The following MAMLD1 variants were observed in gnomAD, a reference collection of about 807,000 sequenced individuals.
The protein encoded by MAMLD1 is mastermind like domain containing 1, also known as mastermind-like domain-containing protein 1.
In MAMLD1, 14 loss-of-function variants were observed where a neutral mutation model predicts 45.0. The ratio of observed to expected loss-of-function variants is 0.31; its 90% CI spans 0.21 to 0.49. The LOEUF is 0.49. Ranked by LOEUF, MAMLD1 falls within the 20% of genes least tolerant of loss-of-function variation. The pLI, the probability that MAMLD1 is intolerant of heterozygous loss-of-function variation, is 0.99. For synonymous variants in MAMLD1, 254 were observed against 247.8 expected (o/e 1.02, Z -0.24); for missense variants, 543 against 603.6 (o/e 0.90, Z 1.05).
At chrX:150,479,865 C>T (rs782535364) in intron 5 of MAMLD1, among the ~76,000 whole-genome samples, 6 of 112,072 alleles carry the variant, frequency 5.4e-5, no homozygotes, top group African/African-American at 1.9e-4. Context: ...ATGAAACTCA[C>T]GGTAGACTTG....
intron 5 of MAMLD1, among the ~76,000 whole-genome samples, chrX:150,494,071 G>T (rs959522108): frequency 1.4e-4 from 16 of 111,625 alleles, no homozygotes; most frequent in Non-Finnish European, 2.4e-4. Context: ...GCAGAAAAGT[G>T]TGCAAGGCCT....
At position 150,494,221 on chromosome X, in the gene MAMLD1, CA is replaced by C. The variant is rs782240178; in HGVS notation, c.2041-9052del. ...CCAGCCTGGCCAAGATGGTGAAACC[CA>C]GTCTCTACTAAAAATACAAAAATTA... On this transcript the variant is annotated intron_variant, in intron 5 of 7. Coordinates refer to ENST00000370401, the MANE Select transcript of MAMLD1 (RefSeq NM_005491.5). Among the ~76,000 whole-genome samples the C allele has an allele frequency of 3.5e-3, 391 of 110,972 alleles. 1 individual carries two copies. The highest frequency in any genetic ancestry group is 0.012 in the African/African-American group (373 of 30,487).
At chrX:150,481,926 G>GAAAGAAAGAAA (rs1557407217) in intron 5 of MAMLD1, among the ~76,000 whole-genome samples, 7 of 87,497 alleles carry the variant, frequency 8.0e-5, no homozygotes, top group Non-Finnish European at 1.7e-4. Flanking sequence ...CAGAGACAGA[G>GAAAGAAAGAAA]AAAGTAAGAA....
chrX:150,499,594 A>G (rs980221035), intron 5 of MAMLD1, among the ~76,000 whole-genome samples: 1 of 111,526 alleles, frequency 9.0e-6, no homozygotes, highest in African/African-American at 3.3e-5. Context: ...GCTCCTCGCC[A>G]TGTGCAGAGG....
At position 150,470,068 on chromosome X, in the gene MAMLD1, A is replaced by G. The variant is rs1557406259; in HGVS notation, c.495A>G (p.Lys165=). The G allele has an allele frequency of 8.3e-7, 1 of 1,211,679 alleles. No individual in the cohort carries two copies. The highest frequency in any genetic ancestry group is 1.7e-5 in the African/African-American group (1 of 57,723). ...GGCCCACTGTTCCTTACTATGAGAAAATCAACAGCGTGCCGGCTGTAGACC... is the reference window on the plus strand; with the variant it reads ...GGCCCACTGTTCCTTACTATGAGAAGATCAACAGCGTGCCGGCTGTAGACC... ...LKGPTVPYYE[K]INSVPAVDQE... is the part of the protein sequence containing the mutation. The change falls in exon 4 of 8, where the codon AAA becomes AAG. Residue 165 remains lysine (K), a synonymous_variant. Coordinates refer to ENST00000370401, the MANE Select transcript of MAMLD1 (RefSeq NM_005491.5).
At chrX:150,476,171 C>T (rs1164879705) in intron 5 of MAMLD1, among the ~76,000 whole-genome samples, 1 of 111,248 alleles carries the variant, frequency 9.0e-6, no homozygotes, top group Non-Finnish European at 1.9e-5. Flanking sequence ...TATGGAGTTG[C>T]AACACCCAGC....
intron 6 of MAMLD1, chrX:150,505,127 C>T (rs1227060749): frequency 9.5e-6 from 7 of 736,493 alleles, no homozygotes; most frequent in Middle Eastern, 7.8e-4. Context: ...AGATCTCTGC[C>T]GTTTGCTTTC....
intron 1 of MAMLD1, among the ~76,000 whole-genome samples, chrX:150,371,603 T>C (rs782149412): frequency 8.9e-6 from 1 of 111,935 alleles, no homozygotes; most frequent in East Asian, 2.8e-4. Context: ...GTCAAGTAAT[T>C]CTGAACACAT....
At chrX:150,473,930 C>T in intron 5 of MAMLD1, 128 bp downstream of exon 5, 3 of 722,156 alleles carry the variant, frequency 4.2e-6, no homozygotes, top group South Asian at 4.3e-5. Context: ...AAATCATACC[C>T]AACCAATTAC....
Position 150,513,081 on chromosome X carries a change from C to G in MAMLD1, c.*1122C>G. 1 of 1,137,769 alleles carries G rather than the reference C, an allele frequency of 8.8e-7. No homozygotes were observed. Among genetic ancestry groups the G allele is most frequent in the African/African-American group, 1.8e-5 (1 of 55,793 alleles). 93.8% of individuals were successfully genotyped at this position (1,137,769 alleles called of 1,213,427 possible). ...GATGCTGGGGCACTTTAAATCTGAG[C>G]AGGATGCCCATAGAAACCCCCATGG... On this transcript the variant is annotated 3_prime_UTR_variant, in exon 8 of 8. Coordinates refer to ENST00000370401, the MANE Select transcript of MAMLD1 (RefSeq NM_005491.5).
chrX:150,473,064 GC>G (rs782481553), intron 4 of MAMLD1, among the ~76,000 whole-genome samples: 13 of 112,653 alleles, frequency 1.2e-4, no homozygotes, highest in Non-Finnish European at 1.9e-4. Flanking sequence ...CCATAAGCTG[GC>G]CCCACCAGCC....
At position 150,490,308 on chromosome X, in the gene MAMLD1, G is replaced by A. The variant is rs7878137; in HGVS notation, c.2041-12966G>A. On this transcript the variant is annotated intron_variant, in intron 5 of 7. Coordinates refer to ENST00000370401, the MANE Select transcript of MAMLD1 (RefSeq NM_005491.5). ...AACAAAGCCAAGGCTGGCTTGACTG[G>A]CTGATAGCTAGACTATTTCTTTGTT... 6.1e-3 allele frequency among the ~76,000 whole-genome samples: 680 copies of A among 112,375 alleles called. 8 individuals are homozygous for A. Among genetic ancestry groups the A allele is most frequent in the African/African-American group, 0.021 (639 of 30,924 alleles).
intron 2 of MAMLD1, among the ~76,000 whole-genome samples, chrX:150,450,996 C>A (rs782799560): frequency 8.8e-6 from 1 of 112,998 alleles, no homozygotes; most frequent in East Asian, 2.8e-4. Flanking sequence ...CAGGCAGAGG[C>A]CTTGCCTTCA....
intron 5 of MAMLD1, among the ~76,000 whole-genome samples, chrX:150,491,251 C>T (rs2037178293): frequency 8.9e-6 from 1 of 111,948 alleles, no homozygotes; most frequent in Non-Finnish European, 1.9e-5. Context: ...TGAGGTCATA[C>T]AGCTGCCAAG....
chrX:150,403,936 AAAG>A (rs2033895177), intron 1 of MAMLD1, among the ~76,000 whole-genome samples: 1 of 81,397 alleles, frequency 1.2e-5, no homozygotes, highest in Non-Finnish European at 2.3e-5. Flanking sequence ...ACAGAGAAAG[AAAG>A]AAAAGAAAGA....
chrX:150,488,478 C>G (rs2037068613), intron 5 of MAMLD1, among the ~76,000 whole-genome samples: 2 of 112,843 alleles, frequency 1.8e-5, no homozygotes, highest in Admixed American at 1.9e-4. Flanking sequence ...ACTTATGACA[C>G]TCTATAGTTT....
chrX:150,490,141 T>C (rs2037136843), intron 5 of MAMLD1, among the ~76,000 whole-genome samples: 1 of 111,838 alleles, frequency 8.9e-6, no homozygotes, highest in African/African-American at 3.3e-5. Context: ...ATGTTTCCCA[T>C]GGCAGGAGAT....
chrX:150,368,407 G>GTT (rs1166471642), intron 1 of MAMLD1, among the ~76,000 whole-genome samples: 3 of 102,039 alleles, frequency 2.9e-5, no homozygotes, highest in Non-Finnish European at 6.1e-5. Context: ...TGATGGGGTT[G>GTT]TTTTTTTTTT....
chrX:150,445,904 G>A (rs182606974), intron 2 of MAMLD1, among the ~76,000 whole-genome samples: 27 of 110,678 alleles, frequency 2.4e-4, no homozygotes, highest in Non-Finnish European at 3.4e-4. Flanking sequence ...GATGAGAGAG[G>A]GAAGACGAGT....
Sources: gnomAD v4.1 joint callset for allele counts (sites outside exome capture counted in the v4.1 genomes callset) on GRCh38, gnomAD v4.1.1 for gene constraint, MANE v1.5 for transcripts, NCBI Gene and HGNC (gene_info 2026-07-23, HGNC 2026-07-21) for gene names.